MARCHF1: variants seen among roughly 807,000 people sequenced by gnomAD.
The protein encoded by MARCHF1 is membrane associated ring-CH-type finger 1, also known as E3 ubiquitin-protein ligase MARCHF1.
In MARCHF1, 40 loss-of-function variants were observed where a neutral mutation model predicts 54.2. That is an observed-to-expected ratio of 0.74 (90% CI 0.57 to 0.96). The LOEUF (loss-of-function observed/expected upper bound fraction) is 0.96. MARCHF1 is among the 40% of genes least tolerant of loss of function. MARCHF1 has a pLI of 0.00. For missense variants in MARCHF1, 586 were observed against 656.5 expected (o/e 0.89, Z 1.17); for synonymous variants, 236 against 236.3 (o/e 1.00, Z 0.01).
At chr4:163,761,556 T>A (rs1231501590) in intron 4 of MARCHF1, among the ~76,000 whole-genome samples, 3 of 152,172 alleles carry the variant, frequency 2.0e-5, no homozygotes, top group African/African-American at 7.2e-5. Flanking sequence ...CTCACTCCAA[T>A]GAGATCAGCC....
chr4:164,184,037 G>A (rs530598223), intron 1 of MARCHF1, among the ~76,000 whole-genome samples: 162 of 152,240 alleles, frequency 1.1e-3, no homozygotes, highest in African/African-American at 3.8e-3. Context: ...TCAAAGTCTT[G>A]TATGAAATCT....
intron 8 of MARCHF1, among the ~76,000 whole-genome samples, chr4:163,576,617 G>T (rs1327993917): frequency 6.6e-6 from 1 of 152,030 alleles, no homozygotes; most frequent in Non-Finnish European, 1.5e-5. Context: ...TCAATTATCT[G>T]TCTAATGTTG....
At chr4:163,972,945 T>G (rs2110843701) in intron 3 of MARCHF1, among the ~76,000 whole-genome samples, 1 of 152,328 alleles carries the variant, frequency 6.6e-6, no homozygotes, top group Non-Finnish European at 1.5e-5. Flanking sequence ...ACAGTGTAAT[T>G]GTTATGGTTG....
rs542568128 is a variant in MARCHF1 at position 163,964,873 on chromosome 4, T to C, written c.-39+23628A>G. ...TCTTTGAGCTTGTCCTGGATTGAGA[T>C]TGTGCTTGATATTATTCTTGCATCA... On this transcript the variant is annotated intron_variant, in intron 3 of 9. Transcript: ENST00000514618. Among the ~76,000 whole-genome samples, 18 of 152,096 alleles carry C rather than the reference T, an allele frequency of 1.2e-4. No homozygotes were observed. In the South Asian group the frequency reaches 1.2e-3, roughly 11 times the overall value.
At chr4:164,222,458 G>T (rs1008927533) in intron 1 of MARCHF1, among the ~76,000 whole-genome samples, 3 of 151,920 alleles carry the variant, frequency 2.0e-5, no homozygotes, top group African/African-American at 7.2e-5. Context: ...AAATAATTTT[G>T]TAAAGGGAAA....
Position 163,528,938 on chromosome 4 carries a change from C to T in MARCHF1, c.1448G>A (p.Arg483His), listed in dbSNP as rs779641825. ...CACACGGTTGTAGGCCTTCAGCCTG[C>T]GCCACAACTGAACATAGACTTTACA... Reference protein sequence around the residue: ...VQCKVYVQLWRRLKAYNRVIF... With the variant: ...VQCKVYVQLWHRLKAYNRVIF... Residue 483 changes from arginine to histidine, a missense_variant, in exon 10 of 10, where the codon CGC (arginine) becomes CAC (histidine). This residue lies in a region of MARCHF1 where 106 missense variants were observed against 93.8 expected (regional missense o/e 1.13). Transcript: ENST00000514618. 45 of 1,613,146 alleles carry T rather than the reference C, an allele frequency of 2.8e-5. No individual in the cohort carries two copies. Among genetic ancestry groups the T allele is most frequent in the Middle Eastern group, 1.6e-4 (1 of 6,078 alleles).
At chr4:164,254,026 G>A (rs1040681147) in intron 1 of MARCHF1, among the ~76,000 whole-genome samples, 12 of 152,242 alleles carry the variant, frequency 7.9e-5, no homozygotes, top group African/African-American at 1.9e-4. Flanking sequence ...CTACTGAAAA[G>A]AGATAATATG....
At chr4:163,639,038 G>C (rs1391105731) in intron 5 of MARCHF1, among the ~76,000 whole-genome samples, 2 of 152,076 alleles carry the variant, frequency 1.3e-5, no homozygotes, top group South Asian at 2.1e-4. Flanking sequence ...GAGGGCAGTG[G>C]GGGATGGGGA....
In MARCHF1 at chr4:163,692,516, C is replaced by G. The variant is rs74918208; in HGVS notation, c.162+8297G>C. On this transcript the variant is annotated intron_variant, in intron 5 of 9. Coordinates refer to ENST00000514618, the MANE Select transcript of MARCHF1 (RefSeq NM_001394959.1). ...GAGGAACAAGAGGAAGTCAGTGTGT[C>G]TGGACATGAGTTATTAAGAGGAAGA... Among the ~76,000 whole-genome samples, 1,007 of 152,150 alleles carry G rather than the reference C, an allele frequency of 6.6e-3. 13 individuals carry two copies. The highest frequency in any genetic ancestry group is 0.023 in the African/African-American group (959 of 41,522).
At chr4:164,207,904 A>T (rs1731656638) in intron 1 of MARCHF1, among the ~76,000 whole-genome samples, 1 of 152,158 alleles carries the variant, frequency 6.6e-6, no homozygotes, top group Non-Finnish European at 1.5e-5. Context: ...AATAATCTGT[A>T]CAACAAACCT....
chr4:163,749,187 A>G (rs535893840), intron 4 of MARCHF1, among the ~76,000 whole-genome samples: 2 of 151,210 alleles, frequency 1.3e-5, no homozygotes, highest in Admixed American at 6.6e-5. Flanking sequence ...TGATTTCACG[A>G]TTTCATTTTA....
intron 1 of MARCHF1, among the ~76,000 whole-genome samples, chr4:164,210,438 A>G (rs922105315): frequency 1.3e-5 from 2 of 152,142 alleles, no homozygotes; most frequent in African/African-American, 4.8e-5. Flanking sequence ...ATAAATAGAT[A>G]TGGAAGAAAG....
chr4:164,308,690 A>G (rs2111417359), intron 1 of MARCHF1, among the ~76,000 whole-genome samples: 1 of 152,272 alleles, frequency 6.6e-6, no homozygotes, highest in East Asian at 1.9e-4. Context: ...ACAGGATAAG[A>G]AACAATGTTA....
chr4:163,632,945 C>T (rs1417908725), intron 5 of MARCHF1, among the ~76,000 whole-genome samples: 2 of 151,846 alleles, frequency 1.3e-5, no homozygotes, highest in Non-Finnish European at 2.9e-5. Flanking sequence ...GACCCCTGAC[C>T]CCTGAGCAGC....
At chr4:163,967,354 C>T (rs1486493018) in intron 3 of MARCHF1, among the ~76,000 whole-genome samples, 1 of 152,088 alleles carries the variant, frequency 6.6e-6, no homozygotes, top group Non-Finnish European at 1.5e-5. Context: ...TGATCAGAGG[C>T]TGATACTTGA....
chr4:164,200,107 CCTT>C (rs1381549067), intron 1 of MARCHF1, among the ~76,000 whole-genome samples: 1 of 152,186 alleles, frequency 6.6e-6, no homozygotes, highest in Non-Finnish European at 1.5e-5. Flanking sequence ...GAGAAGCACA[CCTT>C]CTCTGCACTC....
chr4:164,213,203 T>TTA (rs1731826839), intron 1 of MARCHF1, among the ~76,000 whole-genome samples: 3 of 141,782 alleles, frequency 2.1e-5, no homozygotes, highest in East Asian at 2.0e-4. Flanking sequence ...GGCTTTTACT[T>TTA]TTATTATTAT....
intron 7 of MARCHF1, among the ~76,000 whole-genome samples, chr4:163,594,348 T>A (rs1360650634): frequency 6.6e-6 from 1 of 151,580 alleles, no homozygotes; most frequent in Non-Finnish European, 1.5e-5. Flanking sequence ...ATTTAGTATA[T>A]ATTTAGTATA....
chr4:164,040,475 T>C (rs975633265), intron 2 of MARCHF1, among the ~76,000 whole-genome samples: 3 of 148,608 alleles, frequency 2.0e-5, no homozygotes, highest in African/African-American at 4.9e-5. Context: ...TTTGTAAATG[T>C]ATACAAAATT....
Sources: gnomAD v4.1 joint callset for allele counts (sites outside exome capture counted in the v4.1 genomes callset) on GRCh38, gnomAD v4.1.1 for gene constraint, gnomAD v4.1.1 regional missense constraint, MANE v1.5 for transcripts, NCBI Gene and HGNC (gene_info 2026-07-23, HGNC 2026-07-21) for gene names.